ACYP2: variants seen among roughly 807,000 people sequenced by gnomAD.
ACYP2 encodes acylphosphatase 2.
ACYP2 carries 12 observed loss-of-function variants against 11.2 expected under a neutral mutation model. The ratio of observed to expected loss-of-function variants is 1.08; its 90% CI spans 0.69 to 1.74. ACYP2 has a LOEUF of 1.74. ACYP2 is among the 40% of genes most tolerant of loss of function. ACYP2 has a pLI of 0.00. For missense variants in ACYP2, 134 were observed against 101.9 expected (o/e 1.31, Z -1.35); for synonymous variants, 43 against 32.2 (o/e 1.33, Z -1.13).
At chr2:54,299,456 G>A (rs1348811222) in intron 6 of ACYP2, among the ~76,000 whole-genome samples, 1 of 151,996 alleles carries the variant, frequency 6.6e-6, no homozygotes, top group South Asian at 2.1e-4. Flanking sequence ...GCTGGGCATG[G>A]TGGCGCATGC....
intron 2 of ACYP2, among the ~76,000 whole-genome samples, chr2:54,003,443 A>G (rs895445900): frequency 6.6e-6 from 1 of 151,766 alleles, no homozygotes; most frequent in South Asian, 2.1e-4. Flanking sequence ...TATTTTTAGT[A>G]TAGATGGGGT....
chr2:54,022,683 A>G (rs1674067967), intron 2 of ACYP2, among the ~76,000 whole-genome samples: 2 of 152,138 alleles, frequency 1.3e-5, no homozygotes. Flanking sequence ...TGCCAGGCCC[A>G]TATTTAAAAT....
chr2:54,111,285 T>C (rs1233529203), intron 4 of ACYP2, among the ~76,000 whole-genome samples: 2 of 151,870 alleles, frequency 1.3e-5, no homozygotes, highest in Non-Finnish European at 2.9e-5. Flanking sequence ...TATTCACCAT[T>C]CCCAGAGAGC....
rs1207045533 is a variant in ACYP2 at position 54,177,898 on chromosome 2, TTTCTTTA to T, written c.404+39153_404+39159del. ...TCCGGCCTCCTGTTTCTTTTCTTTC[TTTCTTTA>T]TTTTTTTTTTTTTTTTTGAGATGGA... On this transcript the variant is annotated intron_variant, in intron 6 of 6. Transcript: ENST00000607452. Among the ~76,000 whole-genome samples, 308 of 88,770 alleles carry T rather than the reference TTTCTTTA, an allele frequency of 3.5e-3. 2 individuals carry two copies. The highest frequency in any genetic ancestry group is 0.014 in the African/African-American group (216 of 15,294). 58.2% of individuals were successfully genotyped at this position (88,770 alleles called of 152,430 possible).
At chr2:54,129,129 T>A (rs1376782475) in intron 4 of ACYP2, among the ~76,000 whole-genome samples, 1 of 152,190 alleles carries the variant, frequency 6.6e-6, no homozygotes, top group Non-Finnish European at 1.5e-5. Context: ...CTGTTTAACA[T>A]GATGCAGCTA....
intron 4 of ACYP2, among the ~76,000 whole-genome samples, chr2:54,122,456 G>T (rs909500516): frequency 1.3e-5 from 2 of 152,156 alleles, no homozygotes; most frequent in Non-Finnish European, 1.5e-5. Flanking sequence ...CAGAGTGTCT[G>T]TAAAAAACCT....
intron 6 of ACYP2, among the ~76,000 whole-genome samples, chr2:54,195,638 C>CA (rs776374582): frequency 0.32 from 26,095 of 81,964 alleles, 2,955 homozygotes; most frequent in East Asian, 0.5. Flanking sequence ...TGGCCAAAGG[C>CA]AAAAAAAAAA....
At chr2:54,220,762 T>C (rs951592829) in intron 6 of ACYP2, among the ~76,000 whole-genome samples, 16 of 152,214 alleles carry the variant, frequency 1.1e-4, no homozygotes, top group Admixed American at 1.0e-3. Context: ...AATTTTCACT[T>C]CAGAACATTA....
intron 6 of ACYP2, among the ~76,000 whole-genome samples, chr2:54,172,590 A>G (rs999169309): frequency 6.6e-6 from 1 of 152,052 alleles, no homozygotes; most frequent in African/African-American, 2.4e-5. Context: ...AACTCTACTA[A>G]TCTCTTTTTT....
At chr2:54,235,808 T>C (rs1686451047) in intron 6 of ACYP2, among the ~76,000 whole-genome samples, 1 of 152,232 alleles carries the variant, frequency 6.6e-6, no homozygotes, top group Non-Finnish European at 1.5e-5. Flanking sequence ...GCATGCAGCA[T>C]GAGCAATGAG....
At chr2:54,076,083 T>C (rs571859133) in intron 4 of ACYP2, among the ~76,000 whole-genome samples, 1 of 152,222 alleles carries the variant, frequency 6.6e-6, no homozygotes, top group Non-Finnish European at 1.5e-5. Context: ...AATGATGCAT[T>C]TGTACACAAG....
chr2:53,995,888 G>A (rs919181399), intron 2 of ACYP2, among the ~76,000 whole-genome samples: 9 of 152,170 alleles, frequency 5.9e-5, no homozygotes, highest in Non-Finnish European at 1.0e-4. Flanking sequence ...ATCCCAGCAC[G>A]TGGGGAGGCC....
chr2:54,079,825 C>T (rs1353297768), intron 4 of ACYP2: 1 of 152,176 alleles, frequency 6.6e-6, no homozygotes, highest in Non-Finnish European at 1.5e-5. Flanking sequence ...AACAAGAAAT[C>T]ATACCAAACT....
At chr2:54,070,732 A>ATTTT (rs11368576) in intron 4 of ACYP2, among the ~76,000 whole-genome samples, 1 of 137,148 alleles carries the variant, frequency 7.3e-6, no homozygotes, top group Non-Finnish European at 1.6e-5. Context: ...AAGCTATTCC[A>ATTTT]TTTTTTTTTT....
At chr2:54,017,725 A>T (rs1277856134) in intron 2 of ACYP2, among the ~76,000 whole-genome samples, 1 of 152,152 alleles carries the variant, frequency 6.6e-6, no homozygotes, top group East Asian at 1.9e-4. Context: ...CCCATCTTGT[A>T]TTATTGGTCC....
At chr2:54,150,531 C>T (rs905617588) in intron 6 of ACYP2, among the ~76,000 whole-genome samples, 1 of 152,164 alleles carries the variant, frequency 6.6e-6, no homozygotes, top group Non-Finnish European at 1.5e-5. Context: ...AAGCAGTTCT[C>T]CTGCCTCAGC....
chr2:54,053,490 A>G (rs146055300), intron 3 of ACYP2, among the ~76,000 whole-genome samples: 1 of 152,132 alleles, frequency 6.6e-6, no homozygotes, highest in Non-Finnish European at 1.5e-5. Flanking sequence ...TGACACAGAC[A>G]CTGTGTGTTC....
chr2:53,974,751 G>A (rs1280766881), intron 2 of ACYP2, among the ~76,000 whole-genome samples: 1 of 152,138 alleles, frequency 6.6e-6, no homozygotes, highest in Non-Finnish European at 1.5e-5. Flanking sequence ...GGTAGTGTTA[G>A]CTATCATTCA....
At chr2:53,989,430 A>AT (rs1672181541) in intron 2 of ACYP2, among the ~76,000 whole-genome samples, 1 of 152,116 alleles carries the variant, frequency 6.6e-6, no homozygotes. Flanking sequence ...CAAAGAATAT[A>AT]TTTGCCCAGT....
Sources: allele counts gnomAD v4.1 joint callset (sites outside exome capture counted in the v4.1 genomes callset), GRCh38; gene constraint gnomAD v4.1.1; transcripts MANE v1.5; gene names NCBI Gene and HGNC (gene_info 2026-07-23, HGNC 2026-07-21).